PRKCG: variants seen among roughly 807,000 people sequenced by gnomAD.
The protein encoded by PRKCG is protein kinase C gamma type.
A neutral mutation model predicts 82.0 loss-of-function variants in PRKCG; 28 were observed. That is an observed-to-expected ratio of 0.34 (90% CI 0.25 to 0.47). The LOEUF is 0.47. Among genes scored for constraint, PRKCG ranks in the 20% least tolerant of loss-of-function variants. PRKCG has a pLI of 1.00. For synonymous variants in PRKCG, 383 were observed against 376.6 expected (o/e 1.02, Z -0.20); for missense variants, 640 against 952.7 (o/e 0.67, Z 4.32).
chr19:53,903,215 C>T, intron 15 of PRKCG, 62 bp downstream of exon 15: 1 of 1,308,062 alleles, frequency 7.6e-7, no homozygotes, highest in Non-Finnish European at 1.1e-6. Flanking sequence ...ACCTGGATCT[C>T]AGGAGGAGCC....
rs1295679637 is a variant in PRKCG, at chr19:53,900,902, A to G, written c.1575+153A>G. On this transcript the variant is annotated intron_variant, in intron 14 of 17. Coordinates refer to ENST00000263431, the MANE Select transcript of PRKCG (RefSeq NM_002739.5). The surrounding 1 kb of genome is among the most constrained non-coding windows in gnomAD (Gnocchi z 4.2). ...GCCAGTCGTTCCTCCAGCCTCCAGC[A>G]CAGGTGAGCTTGGCACTGAGCCTGC... Among the ~76,000 whole-genome samples the G allele has an allele frequency of 6.6e-6, 1 of 152,226 alleles. No homozygotes were observed. The highest frequency in any genetic ancestry group is 1.9e-4 in the East Asian group (1 of 5,188).
intron 14 of PRKCG, among the ~76,000 whole-genome samples, chr19:53,901,122 C>T (rs2068760283): frequency 6.6e-6 from 1 of 152,250 alleles, no homozygotes; most frequent in Non-Finnish European, 1.5e-5. Flanking sequence ...CATGTCCGGA[C>T]TATCTTCTGA....
In PRKCG at chr19:53,907,112, G is replaced by A. The variant is rs1193612292; in HGVS notation, c.*217G>A. ...GCCGTCCCGCGTTCAAGACTTGAGC[G>A]GAGCCCGATATTCTCCCTGACCTTA... On this transcript the variant is annotated 3_prime_UTR_variant, in exon 18 of 18. Coordinates refer to ENST00000263431, the MANE Select transcript of PRKCG (RefSeq NM_002739.5). 2.7e-6 allele frequency: 3 copies of A among 1,114,448 alleles called. No homozygotes were observed. Among genetic ancestry groups the A allele is most frequent in the African/African-American group, 1.6e-5 (1 of 63,594 alleles). 69.0% of individuals were successfully genotyped at this position (1,114,448 alleles called of 1,614,324 possible). A position where few individuals can be genotyped will look rare whatever the true frequency, so the allele number is the denominator to read the frequency against.
intron 3 of PRKCG, among the ~76,000 whole-genome samples, chr19:53,887,625 T>A (rs1408849029): frequency 7.4e-6 from 1 of 134,504 alleles, no homozygotes; most frequent in Non-Finnish European, 1.5e-5. Context: ...GGTCAGGAGA[T>A]CCAAACCATC....
At chr19:53,885,373 C>A (rs541393564) in intron 3 of PRKCG, among the ~76,000 whole-genome samples, 1 of 152,074 alleles carries the variant, frequency 6.6e-6, no homozygotes, top group South Asian at 2.1e-4. Flanking sequence ...GGACTACAGG[C>A]GCATGCCACC....
intron 11 of PRKCG, among the ~76,000 whole-genome samples, 162 bp downstream of exon 11, chr19:53,898,790 GGTCCTT>G (rs2068738464): frequency 5.1e-5 from 6 of 116,794 alleles, no homozygotes; most frequent in Admixed American, 8.2e-5. Flanking sequence ...GCCGGGGGGG[GGTCCTT>G]GGGGGGCGTG....
rs150562015 is a variant in PRKCG at position 53,894,724 on chromosome 19, C to G, written c.939+1333C>G. Among the ~76,000 whole-genome samples the G allele has an allele frequency of 2.0e-5, 3 of 152,158 alleles. No individual in the cohort carries two copies. In the East Asian group the frequency reaches 5.8e-4, roughly 29 times the overall value. The stretch of plus-strand genomic sequence containing the variant: ...ATCCACCCGCCTTGGCCTCCCAAAG[C>G]GCTGAGATTAGAGGCGTGAGCGACC... On this transcript the variant is annotated intron_variant, in intron 9 of 17. Coordinates refer to ENST00000263431, the MANE Select transcript of PRKCG (RefSeq NM_002739.5).
rs1306430405 is a variant in PRKCG at position 53,891,656 on chromosome 19, T to A, written c.530-18T>A. 4.3e-6 allele frequency: 7 copies of A among 1,613,290 alleles called. No homozygotes were observed. The highest frequency in any genetic ancestry group is 5.9e-6 in the Non-Finnish European group (7 of 1,179,586). On this transcript the variant is annotated intron_variant, in intron 5 of 17. Transcript: ENST00000263431. Reference sequence around the variant, plus strand: ...CTGGATCTCTAACCCGTCACACTCTTCCTCACTCCCCGTTTAGTTGGCGAG... The same window carrying A: ...CTGGATCTCTAACCCGTCACACTCTACCTCACTCCCCGTTTAGTTGGCGAG...
chr19:53,882,191 G>T (rs1223084700), upstream of PRKCG: 1 of 415,736 alleles, frequency 2.4e-6, no homozygotes, highest in Non-Finnish European at 4.4e-6. This position sits in a 1 kb window ranked among gnomAD's most constrained non-coding sequence, Gnocchi z 6.1. Context: ...CCAACCCGGG[G>T]CTCCCACATT....
At position 53,882,566 on chromosome 19, in the gene PRKCG, C is replaced by T. The variant is rs2547362; in HGVS notation, c.72C>T (p.Ala24=). Residue 24 remains alanine (A), a synonymous_variant, in exon 1 of 18, where the codon GCC becomes GCT. Transcript: ENST00000263431. This position sits in a 1 kb window ranked among gnomAD's most constrained non-coding sequence, Gnocchi z 6.1. ...GPRPLFCRKG[A]LRQKVVHEVK... ...GGCCCCTGTTTTGCAGAAAGGGGGCCCTGAGGCAGAAGGTGGTCCACGAAG... is the reference window on the plus strand; with the variant it reads ...GGCCCCTGTTTTGCAGAAAGGGGGCTCTGAGGCAGAAGGTGGTCCACGAAG... 1,533,218 of 1,614,066 alleles carry T rather than the reference C, an allele frequency of 0.95. 730,294 individuals carry two copies. The highest frequency in any genetic ancestry group is 0.99 in the East Asian group (44,572 of 44,854).
chr19:53,897,308 T>G (rs2068724720), intron 9 of PRKCG, among the ~76,000 whole-genome samples: 1 of 151,984 alleles, frequency 6.6e-6, no homozygotes, highest in South Asian at 2.1e-4. Context: ...GAGGGACAAG[T>G]GTGGAAGCTG....
rs1201671245 is a variant in PRKCG at position 53,892,752 on chromosome 19, G to GCGCA, written c.821+110_821+111insGCAC. The GCGCA allele has an allele frequency of 4.4e-4, 485 of 1,097,742 alleles. 13 individuals are homozygous for GCGCA. The highest frequency in any genetic ancestry group is 1.7e-3 in the Middle Eastern group (7 of 4,062). 68.0% of individuals were successfully genotyped at this position (1,097,742 alleles called of 1,614,324 possible). A position where few individuals can be genotyped will look rare whatever the true frequency, so the allele number is the denominator to read the frequency against. ...TCCTTCCCTCTGCCTCCCAGCATGC[G>GCGCA]CACACACACACACACACACACACAC... On this transcript the variant is annotated intron_variant, in intron 7 of 17. Transcript: ENST00000263431. This position sits in a 1 kb window ranked among gnomAD's most constrained non-coding sequence, Gnocchi z 5.9.
intron 3 of PRKCG, among the ~76,000 whole-genome samples, chr19:53,887,164 G>A (rs551769872): frequency 1.3e-5 from 2 of 151,704 alleles, no homozygotes; most frequent in Non-Finnish European, 2.9e-5. Flanking sequence ...CTTGACCTCC[G>A]GGGCTCAAGT....
intron 5 of PRKCG, 130 bp downstream of exon 5, chr19:53,890,147 A>G (rs2068662871): frequency 3.0e-6 from 3 of 1,016,788 alleles, no homozygotes; most frequent in South Asian, 2.9e-5. Context: ...TCACGCCCAC[A>G]CTCCTGACCC....
chr19:53,898,024 G>A lies in PRKCG; in HGVS notation c.1005G>A (p.Lys335=). The A allele has an allele frequency of 1.9e-6, 3 of 1,614,088 alleles. No individual in the cohort carries two copies. The South Asian group carries it at 3.3e-5, about 18-fold the overall frequency. The part of the protein sequence containing the change: ...PSPSPSPTDP[K]RCFFGASPGR... ...CTTCCCCTAGTCCCACCGACCCCAA[G>A]CGCTGCTTCTTCGGGGCGAGTCCAG... Residue 335 remains lysine, a synonymous_variant, in exon 10 of 18, where the codon AAG becomes AAA. Transcript: ENST00000263431.
At chr19:53,906,599 C>A (rs377510818) in intron 17 of PRKCG, 108 bp from the exon 18 acceptor site, 1 of 1,551,482 alleles carries the variant, frequency 6.4e-7, no homozygotes, top group South Asian at 1.1e-5. Flanking sequence ...CACCATGAAG[C>A]ATGAATAGAG....
chr19:53,907,281 T>G lies in PRKCG; in HGVS notation c.*386T>G. The G allele has an allele frequency of 3.1e-6, 1 of 320,452 alleles. No homozygotes were observed. The highest frequency in any genetic ancestry group is 7.9e-5 in the East Asian group (1 of 12,684). The allele number at this position is 320,452 out of a possible 1,614,324, so 19.9% of individuals were successfully genotyped here. On this transcript the variant is annotated 3_prime_UTR_variant, in exon 18 of 18. Coordinates refer to ENST00000263431, the MANE Select transcript of PRKCG (RefSeq NM_002739.5). ...GGAAATAGCCTCACGGGGTTGGCTG[T>G]TCCAGACTCAGGTTCCAGAACAGCC...
chr19:53,887,687 A>C (rs1173092173), intron 3 of PRKCG, among the ~76,000 whole-genome samples: 1 of 141,148 alleles, frequency 7.1e-6, no homozygotes, highest in Non-Finnish European at 1.5e-5. Flanking sequence ...AAAATTAGCC[A>C]GGCACGGTGG....
intron 8 of PRKCG, 140 bp from the exon 9 acceptor site, chr19:53,893,222 G>C: frequency 8.0e-7 from 1 of 1,248,478 alleles, no homozygotes; most frequent in Non-Finnish European, 1.2e-6. Context: ...TCTTCTAGGG[G>C]ACTCGAGCCC....
Sources: gnomAD v4.1 joint callset for allele counts (sites outside exome capture counted in the v4.1 genomes callset) on GRCh38, gnomAD v4.1.1 for gene constraint, Gnocchi (gnomAD v3.1) non-coding constraint, MANE v1.5 for transcripts, NCBI Gene and HGNC (gene_info 2026-07-23, HGNC 2026-07-21) for gene names.